UBE2W: variants seen among roughly 807,000 people sequenced by gnomAD.
UBE2W encodes ubiquitin-conjugating enzyme E2 W.
A neutral mutation model predicts 27.2 loss-of-function variants in UBE2W; 18 were observed. The observed-to-expected ratio is 0.66, with a 90% CI of 0.46 to 0.98. The LOEUF (loss-of-function observed/expected upper bound fraction) is 0.98, where lower values mean the gene tolerates loss of function less well. UBE2W is among the 50% of genes least tolerant of loss of function. The probability of loss-of-function intolerance (pLI) is 0.00; values close to 1 mark genes in which losing one functional copy is unlikely to be tolerated. For synonymous variants in UBE2W, 53 were observed against 57.2 expected (o/e 0.93, Z 0.33); for missense variants, 90 against 180.2 (o/e 0.50, Z 2.87).
intron 1 of UBE2W, among the ~76,000 whole-genome samples, chr8:73,862,637 G>C (rs908096517): frequency 1.5e-5 from 2 of 136,100 alleles, no homozygotes; most frequent in South Asian, 2.5e-4. Context: ...AGAGTGAACA[G>C]GCAACCTACA....
intron 2 of UBE2W, among the ~76,000 whole-genome samples, chr8:73,826,462 G>A (rs1480109131): frequency 1.3e-5 from 2 of 152,062 alleles, no homozygotes; most frequent in African/African-American, 4.8e-5. Context: ...AAAACAAAAG[G>A]AAGATAGAAA....
chr8:73,837,063 C>T (rs978904031), intron 1 of UBE2W, among the ~76,000 whole-genome samples: 7 of 152,170 alleles, frequency 4.6e-5, no homozygotes, highest in Non-Finnish European at 7.3e-5. Flanking sequence ...ATATACTACT[C>T]TCCTCTGAAT....
intron 1 of UBE2W, among the ~76,000 whole-genome samples, chr8:73,841,109 A>C (rs1810517512): frequency 6.6e-6 from 1 of 152,228 alleles, no homozygotes; most frequent in Admixed American, 6.5e-5. Flanking sequence ...AACCAACTAA[A>C]GATGGAAAGT....
At chr8:73,878,690 C>A in intron 1 of UBE2W, 118 bp downstream of exon 1, 1 of 934,588 alleles carries the variant, frequency 1.1e-6, no homozygotes, top group Non-Finnish European at 1.7e-6. Flanking sequence ...AAACAGGCCA[C>A]CCGGACCGAT....
At chr8:73,832,039 G>A (rs1170106011) in intron 1 of UBE2W, 2 of 151,700 alleles carry the variant, frequency 1.3e-5, no homozygotes, top group Non-Finnish European at 2.9e-5. Context: ...GGGAGGGAGA[G>A]ACGGGGAAAA....
intron 3 of UBE2W, among the ~76,000 whole-genome samples, chr8:73,821,215 AC>A (rs1486705060): frequency 5.3e-5 from 8 of 152,110 alleles, no homozygotes; most frequent in African/African-American, 1.9e-4. Context: ...TGAACAAGGC[AC>A]TTCACTTCTA....
At position 73,793,241 on chromosome 8, in the gene UBE2W, A is replaced by C. The variant is rs1808276033; in HGVS notation, c.*861T>G. On this transcript the variant is annotated 3_prime_UTR_variant, in exon 6 of 6. Coordinates refer to ENST00000602593, the MANE Select transcript of UBE2W (RefSeq NM_018299.6). ...ACAGAGTGTAACTTACTTGGAAAAA[A>C]TCTTTAATGTACAAATAACAAGCCC... 1 of 985,238 alleles carries C rather than the reference A, an allele frequency of 1.0e-6. No individual in the cohort carries two copies. The highest frequency in any genetic ancestry group is 1.8e-5 in the African/African-American group (1 of 56,780). 61.0% of individuals were successfully genotyped at this position (985,238 alleles called of 1,614,324 possible). A position where few individuals can be genotyped will look rare whatever the true frequency, so the allele number is the denominator to read the frequency against.
chr8:73,786,104 C>T (rs564378774), downstream of UBE2W: 5 of 652,290 alleles, frequency 7.7e-6, no homozygotes, highest in East Asian at 1.4e-4. Context: ...TCAGGTTTAC[C>T]TTTATGATTT....
chr8:73,791,548 T>C lies in UBE2W; in HGVS notation c.*2554A>G, dbSNP rs1455867846. The C allele has an allele frequency of 3.0e-6, 3 of 985,188 alleles. No homozygotes were observed. The highest frequency in any genetic ancestry group is 3.6e-6 in the Non-Finnish European group (3 of 829,732). The allele number at this position is 985,188 out of a possible 1,614,324, so 61.0% of individuals were successfully genotyped here. On this transcript the variant is annotated 3_prime_UTR_variant, in exon 6 of 6. Transcript: ENST00000602593. Reference sequence around the variant, plus strand: ...TGATATTCTGGTTGTCTTTCAACAATGCATTACAGAGAAATATTCTTTTTA... The same window carrying C: ...TGATATTCTGGTTGTCTTTCAACAACGCATTACAGAGAAATATTCTTTTTA...
intron 5 of UBE2W, among the ~76,000 whole-genome samples, chr8:73,798,647 T>C (rs140312454): frequency 1.4e-3 from 210 of 152,324 alleles, no homozygotes; most frequent in Middle Eastern, 3.4e-3. Flanking sequence ...AAATGGACCA[T>C]ACAACTAATG....
At chr8:73,849,142 T>C (rs573678596) in intron 1 of UBE2W, among the ~76,000 whole-genome samples, 1 of 152,302 alleles carries the variant, frequency 6.6e-6, no homozygotes, top group African/African-American at 2.4e-5. Flanking sequence ...TTCTGCATGC[T>C]TGAGATTTTT....
chr8:73,845,351 G>A lies in UBE2W; in HGVS notation c.16-14879C>T, dbSNP rs1470441512. Among the ~76,000 whole-genome samples the A allele has an allele frequency of 2.6e-5, 4 of 152,236 alleles. No individual in the cohort carries two copies. The East Asian group carries it at 7.7e-4, about 29-fold the overall frequency. ...TAGTAGACATAGGAGACTCCATTTT[G>A]TTCCGTACTAAGAGAAATTCTTCTG... is the stretch of plus-strand genomic sequence containing the variant. On this transcript the variant is annotated intron_variant, in intron 1 of 5. Coordinates refer to ENST00000602593, the MANE Select transcript of UBE2W (RefSeq NM_018299.6).
At chr8:73,861,921 A>G (rs1811549206) in intron 1 of UBE2W, among the ~76,000 whole-genome samples, 1 of 152,232 alleles carries the variant, frequency 6.6e-6, no homozygotes, top group African/African-American at 2.4e-5. Context: ...GTGGTCTTTG[A>G]CAGAACTATA....
intron 1 of UBE2W, among the ~76,000 whole-genome samples, chr8:73,868,529 G>A (rs915203739): frequency 6.6e-6 from 1 of 152,136 alleles, no homozygotes; most frequent in Non-Finnish European, 1.5e-5. Flanking sequence ...AGGGGGTTGT[G>A]GGAACCTCCA....
intron 1 of UBE2W, among the ~76,000 whole-genome samples, chr8:73,834,397 G>A (rs1263243469): frequency 6.6e-6 from 1 of 152,150 alleles, no homozygotes; most frequent in Non-Finnish European, 1.5e-5. Context: ...TAAAAACTGG[G>A]TCAAACAAAG....
chr8:73,815,265 C>T (rs1198510263), intron 3 of UBE2W, among the ~76,000 whole-genome samples: 1 of 152,096 alleles, frequency 6.6e-6, no homozygotes, highest in Non-Finnish European at 1.5e-5. Context: ...GTCCCAGCTA[C>T]TCAGGAAGCT....
intron 1 of UBE2W, among the ~76,000 whole-genome samples, chr8:73,877,547 G>A (rs1476833886): frequency 6.6e-6 from 1 of 152,010 alleles, no homozygotes; most frequent in Non-Finnish European, 1.5e-5. Flanking sequence ...AGAAGATGCA[G>A]AAAAGGGAAG....
intron 5 of UBE2W, among the ~76,000 whole-genome samples, chr8:73,797,780 C>A (rs1052461303): frequency 2.0e-4 from 30 of 152,124 alleles, no homozygotes; most frequent in Non-Finnish European, 3.7e-4. Context: ...GTTGGATATG[C>A]CATCTAAACA....
intron 1 of UBE2W, among the ~76,000 whole-genome samples, chr8:73,839,002 C>CG (rs1270406510): frequency 6.6e-6 from 1 of 152,132 alleles, no homozygotes. Flanking sequence ...GGCCCTTGAG[C>CG]GGCTGCTCTG....
Sources: allele counts gnomAD v4.1 joint callset (sites outside exome capture counted in the v4.1 genomes callset), GRCh38; gene constraint gnomAD v4.1.1; transcripts MANE v1.5; gene names NCBI Gene and HGNC (gene_info 2026-07-23, HGNC 2026-07-21).